Variants in TACR2 observed in about 807,000 individuals in gnomAD.
TACR2 encodes the protein tachykinin receptor 2, also known as substance-K receptor.
Under a neutral mutation model 28.9 loss-of-function variants are expected in TACR2, and 24 were observed. The ratio of observed to expected loss-of-function variants is 0.83; its 90% confidence interval spans 0.60 to 1.17. The LOEUF (loss-of-function observed/expected upper bound fraction) is 1.17. Among genes scored for constraint, TACR2 ranks in the 50% most tolerant of loss-of-function variants. TACR2 has a pLI of 0.00. For missense variants in TACR2, 487 were observed against 524.4 expected (o/e 0.93, Z 0.70); for synonymous variants, 222 against 212.6 (o/e 1.04, Z -0.38).
chr10:69,416,473 C>T lies in TACR2; in HGVS notation c.-150G>A, dbSNP rs1589605392. 1.9e-6 allele frequency: 2 copies of T among 1,067,098 alleles called. No individual in the cohort carries two copies. The highest frequency in any genetic ancestry group is 2.6e-6 in the Non-Finnish European group (2 of 760,794). The allele number at this position is 1,067,098 out of a possible 1,614,324, so 66.1% of individuals were successfully genotyped here. ...GTGGCACATCAGGAGAGCCTGGGGCCACTCCTAGGTCTCAGGCAAAGATGA... is the reference window on the plus strand; with the variant it reads ...GTGGCACATCAGGAGAGCCTGGGGCTACTCCTAGGTCTCAGGCAAAGATGA... On this transcript the variant is annotated 5_prime_UTR_variant, in exon 1 of 5. Coordinates refer to ENST00000373306, the MANE Select transcript of TACR2 (RefSeq NM_001057.3).
Position 69,407,250 on chromosome 10 carries a change from T to G in TACR2, c.772A>C (p.Thr258Pro). The change falls in exon 4 of 5, where the codon ACG (threonine) becomes CCG (proline). Residue 258 changes from threonine to proline, a missense_variant. Physicochemically the swap from Thr to Pro is conservative, Grantham distance 38. Transcript: ENST00000373306. ...TAGGGCAGCCAGCAGATGGCAAACG[T>G]CAGCACCACCAGCACCATGGTCTTC... ...FVKTMVLVVL[T>P]FAICWLPYHL... 6.2e-7 allele frequency: 1 copy of G among 1,613,512 alleles called. No individual in the cohort carries two copies. The highest frequency in any genetic ancestry group is 8.5e-7 in the Non-Finnish European group (1 of 1,179,696).
rs775861181 is a variant in TACR2 at position 69,415,996 on chromosome 10, T to A, written c.328A>T (p.Asn110Tyr). The change falls in exon 1 of 5, where the codon AAC (asparagine) becomes TAC (tyrosine). Residue 110 changes from asparagine (N) to tyrosine (Y), a missense_variant. By Grantham distance (143) the Asn-to-Tyr change is moderately radical. Transcript: ENST00000373306. ...YFGRAFCYFQ[N>Y]LFPITAMFVS... ...AACATGGCTGTGATGGGGAAGAGGT[T>A]CTGGAAGTAGCAGAAGGCACGGCCA... 3 of 1,614,042 alleles carry A rather than the reference T, an allele frequency of 1.9e-6. No homozygotes were observed. Among genetic ancestry groups the A allele is most frequent in the Middle Eastern group, 1.6e-4 (1 of 6,084 alleles).
chr10:69,405,175 C>T, intron 4 of TACR2, 91 bp from the exon 5 acceptor site: 1 of 1,090,390 alleles, frequency 9.2e-7, no homozygotes. Context: ...TGACTCCCTT[C>T]CAGAGGAAAG....
Position 69,415,043 on chromosome 10 carries a change from G to A in TACR2, c.489C>T (p.Ala163=). The change falls in exon 2 of 5, where the codon GCC becomes GCT. Residue 163 remains alanine, a synonymous_variant. Coordinates refer to ENST00000373306, the MANE Select transcript of TACR2 (RefSeq NM_001057.3). ...AGIWLVALAL[A]SPQCFYSTVT... ...CGGTGGAGTAGAAGCACTGAGGGGA[G>A]GCCAGGGCGAGAGCCACCAGCCAGA... 6.2e-7 allele frequency: 1 copy of A among 1,613,926 alleles called. No individual in the cohort carries two copies. The highest frequency in any genetic ancestry group is 8.5e-7 in the Non-Finnish European group (1 of 1,180,020).
In TACR2 at chr10:69,416,006, G is replaced by A; in HGVS notation, c.318C>T (p.Cys106=). The part of the protein sequence containing the change: ...HNIWYFGRAF[C]YFQNLFPITA... Reference sequence around the variant, plus strand: ...TGATGGGGAAGAGGTTCTGGAAGTAGCAGAAGGCACGGCCAAAGTACCAGA... The same window carrying A: ...TGATGGGGAAGAGGTTCTGGAAGTAACAGAAGGCACGGCCAAAGTACCAGA... Residue 106 remains cysteine (C), a synonymous_variant, in exon 1 of 5, where the codon TGC becomes TGT. Transcript: ENST00000373306. 1 of 1,614,216 alleles carries A rather than the reference G, an allele frequency of 6.2e-7. No homozygotes were observed. The highest frequency in any genetic ancestry group is 1.1e-5 in the South Asian group (1 of 91,086).
chr10:69,407,852 C>T (rs944821802), intron 3 of TACR2, among the ~76,000 whole-genome samples: 1 of 152,214 alleles, frequency 6.6e-6, no homozygotes, highest in Non-Finnish European at 1.5e-5. Context: ...TACAAAAGGT[C>T]TGGGGGCTCC....
chr10:69,411,298 T>A (rs1271843763), intron 2 of TACR2, among the ~76,000 whole-genome samples: 1 of 152,212 alleles, frequency 6.6e-6, no homozygotes, highest in Non-Finnish European at 1.5e-5. Context: ...AAATCAGACC[T>A]AACCAACTCT....
chr10:69,407,407 A>G (rs1840512498), intron 3 of TACR2, 127 bp from the exon 4 acceptor site: 2 of 895,848 alleles, frequency 2.2e-6, no homozygotes, highest in Non-Finnish European at 3.3e-6. Context: ...CGTTAGCTCT[A>G]TTACTCAGGC....
Position 69,416,561 on chromosome 10 carries a change from A to G in TACR2, c.-238T>C, listed in dbSNP as rs202217367. 5 of 470,320 alleles carry G rather than the reference A, an allele frequency of 1.1e-5. No individual in the cohort carries two copies. The highest frequency in any genetic ancestry group is 9.8e-5 in the East Asian group (3 of 30,616). The allele number at this position is 470,320 out of a possible 1,614,324, so 29.1% of individuals were successfully genotyped here. A position where few individuals can be genotyped will look rare whatever the true frequency, so the allele number is the denominator to read the frequency against. The stretch of plus-strand genomic sequence containing the variant: ...CATTTCAGATTCCATCCTTCCGGCC[A>G]GACTTCTCGAATATCATGTGGAAAC... On this transcript the variant is annotated 5_prime_UTR_variant, in exon 1 of 5. Coordinates refer to ENST00000373306, the MANE Select transcript of TACR2 (RefSeq NM_001057.3).
rs1269356087 is a variant in TACR2, at chr10:69,404,947, A to G, written c.1076T>C (p.Met359Thr). 2.5e-6 allele frequency: 4 copies of G among 1,614,084 alleles called. No individual in the cohort carries two copies. The highest frequency in any genetic ancestry group is 3.3e-5 in the Admixed American group (2 of 60,016). The change falls in exon 5 of 5, where the codon ATG (methionine) becomes ACG (threonine). Residue 359 changes from methionine to threonine, a missense_variant. By Grantham distance (81) the Met-to-Thr change is moderately conservative. Transcript: ENST00000373306. ...NRCHTKETLF[M>T]AGDTAPSEAT... Reference sequence around the variant, plus strand: ...CTCGGAGGGGGCTGTGTCCCCAGCCATGAACAAAGTCTCCTTAGTGTGACA... The same window carrying G: ...CTCGGAGGGGGCTGTGTCCCCAGCCGTGAACAAAGTCTCCTTAGTGTGACA...
In TACR2 at chr10:69,405,729, G is replaced by C. The variant is rs185921702; in HGVS notation, c.939-645C>G. Among the ~76,000 whole-genome samples, 3 of 152,296 alleles carry C rather than the reference G, an allele frequency of 2.0e-5. No homozygotes were observed. In the East Asian group the frequency reaches 5.8e-4, roughly 29 times the overall value. ...GATGTCAGGATCTTGTAGAGCCTGG[G>C]GTGTTGTTTAGACTCCCAGGGACTG... On this transcript the variant is annotated intron_variant, in intron 4 of 4. Coordinates refer to ENST00000373306, the MANE Select transcript of TACR2 (RefSeq NM_001057.3).
At chr10:69,406,328 G>C (rs1298433938) in intron 4 of TACR2, among the ~76,000 whole-genome samples, 1 of 152,188 alleles carries the variant, frequency 6.6e-6, no homozygotes, top group Non-Finnish European at 1.5e-5. Flanking sequence ...TCCTGGGGCT[G>C]GGTTCCTCCC....
At chr10:69,415,771 C>T (rs539948917) in intron 1 of TACR2, among the ~76,000 whole-genome samples, 161 bp downstream of exon 1, 1 of 152,330 alleles carries the variant, frequency 6.6e-6, no homozygotes, top group African/African-American at 2.4e-5. Context: ...CCACAGTCCC[C>T]CTGCCTTCCA....
intron 2 of TACR2, among the ~76,000 whole-genome samples, chr10:69,414,107 C>G (rs1423032014): frequency 1.3e-5 from 2 of 152,172 alleles, no homozygotes; most frequent in Non-Finnish European, 2.9e-5. Context: ...ACCACAAAGA[C>G]ACATCGTGAG....
intron 1 of TACR2, among the ~76,000 whole-genome samples, chr10:69,415,360 C>A (rs1047778431): frequency 1.3e-5 from 2 of 152,232 alleles, no homozygotes; most frequent in Non-Finnish European, 2.9e-5. Flanking sequence ...GGCCCAGGCA[C>A]CTCGGCCCAC....
At chr10:69,409,183 G>A (rs1043112164) in intron 2 of TACR2, 108 bp from the exon 3 acceptor site, 6 of 1,225,098 alleles carry the variant, frequency 4.9e-6, no homozygotes, top group East Asian at 3.1e-5. Flanking sequence ...GCCCCTGCGG[G>A]CCCACCCTGG....
At chr10:69,414,675 GAATAATAAT>G (rs1480967179) in intron 2 of TACR2, among the ~76,000 whole-genome samples, 1 of 152,086 alleles carries the variant, frequency 6.6e-6, no homozygotes, top group African/African-American at 2.4e-5. Flanking sequence ...AAAATGGTAA[GAATAATAAT>G]ATAATATATA....
In TACR2 at chr10:69,407,359, C is replaced by T. The variant is rs1840511811; in HGVS notation, c.742-79G>A. On this transcript the variant is annotated intron_variant, in intron 3 of 4. Transcript: ENST00000373306. ...CCTCCGAGGGCAGACACAGAGGACCCCTTGCACCCACCTGGGAACTGCTCC... is the reference window on the plus strand; with the variant it reads ...CCTCCGAGGGCAGACACAGAGGACCTCTTGCACCCACCTGGGAACTGCTCC... 7 of 1,406,088 alleles carry T rather than the reference C, an allele frequency of 5.0e-6. No individual in the cohort carries two copies. In the East Asian group the frequency reaches 1.4e-4, roughly 29 times the overall value. The allele number at this position is 1,406,088 out of a possible 1,614,324, so 87.1% of individuals were successfully genotyped here.
rs138459132 is a variant in TACR2 at position 69,414,463 on chromosome 10, C to T, written c.587+482G>A. Among the ~76,000 whole-genome samples, 322 of 152,322 alleles carry T rather than the reference C, an allele frequency of 2.1e-3. 1 individual carries two copies. The highest frequency in any genetic ancestry group is 7.5e-3 in the African/African-American group (312 of 41,568). ...CACGTGACATGTACAGTCACATACA[C>T]GTGTGCATGCATGCATATCCTTATC... On this transcript the variant is annotated intron_variant, in intron 2 of 4. Transcript: ENST00000373306.
Sources: gnomAD v4.1 joint callset for allele counts (sites outside exome capture counted in the v4.1 genomes callset) on GRCh38, gnomAD v4.1.1 for gene constraint, MANE v1.5 for transcripts, NCBI Gene and HGNC (gene_info 2026-07-23, HGNC 2026-07-21) for gene names.